RBM25: variants seen among roughly 807,000 people sequenced by gnomAD.
RBM25 encodes the protein RNA-binding protein 25.
A neutral mutation model predicts 120.7 loss-of-function variants in RBM25; 19 were observed. The ratio of observed to expected loss-of-function variants is 0.16; its 90% confidence interval spans 0.11 to 0.23. The LOEUF is 0.23. RBM25 is among the 10% of genes least tolerant of loss of function. RBM25 has a pLI of 1.00. For missense variants in RBM25, 605 were observed against 1,041.5 expected, an observed-to-expected ratio of 0.58 and a Z score of 5.77; for synonymous variants, 390 against 326.7, an observed-to-expected ratio of 1.19 and a Z score of -2.09.
In RBM25 at chr14:73,121,663, C is replaced by G. The variant is rs362446; in HGVS notation, c.*1858C>G. The G allele has an allele frequency of 6.6e-6, 1 of 152,182 alleles. No individual in the cohort carries two copies. The highest frequency in any genetic ancestry group is 2.4e-5 in the African/African-American group (1 of 41,418). 9.4% of individuals were successfully genotyped at this position (152,182 alleles called of 1,614,324 possible). A position where few individuals can be genotyped will look rare whatever the true frequency, so the allele number is the denominator to read the frequency against. Reference sequence around the variant, plus strand: ...GTCTGTCTTTTCTTAACATACTGCACTGTTCTTAAGCATCATATTGTGTTG... The same window carrying G: ...GTCTGTCTTTTCTTAACATACTGCAGTGTTCTTAAGCATCATATTGTGTTG... On this transcript the variant is annotated 3_prime_UTR_variant, in exon 19 of 19. Transcript: ENST00000261973.
In RBM25 at chr14:73,111,118, G is replaced by A. The variant is rs372612177; in HGVS notation, c.1980G>A (p.Glu660=). The A allele has an allele frequency of 2.5e-6, 4 of 1,613,984 alleles. No individual in the cohort carries two copies. Among genetic ancestry groups the A allele is most frequent in the Non-Finnish European group, 3.4e-6 (4 of 1,179,884 alleles). The part of the protein sequence containing the change: ...HENSPDQQQP[E]EHRPKIGLSL... The stretch of plus-strand genomic sequence containing the variant: ...ACTCACCAGATCAACAGCAACCTGA[G>A]GAGCATAGGCCAAAAATAGGACTAA... The change falls in exon 15 of 19, where the codon GAG becomes GAA. Residue 660 remains glutamate, a synonymous_variant. Transcript: ENST00000261973.
chr14:73,072,339 A>G (rs897323204), intron 2 of RBM25, among the ~76,000 whole-genome samples: 1 of 152,158 alleles, frequency 6.6e-6, no homozygotes, highest in Admixed American at 6.5e-5. Context: ...AAAAATACAG[A>G]AAGTAATACA....
intron 1 of RBM25, among the ~76,000 whole-genome samples, chr14:73,064,587 C>T (rs914914572): frequency 6.6e-6 from 1 of 151,028 alleles, no homozygotes; most frequent in African/African-American, 2.4e-5. Context: ...TAGAGACGGG[C>T]TTTCACCATG....
At chr14:73,095,879 A>G (rs1409767898) in intron 6 of RBM25, among the ~76,000 whole-genome samples, 1 of 152,142 alleles carries the variant, frequency 6.6e-6, no homozygotes, top group Non-Finnish European at 1.5e-5. Flanking sequence ...GTCGTTAAAA[A>G]CTTTGGGGCA....
At chr14:73,078,300 C>T (rs1213249540) in intron 4 of RBM25, among the ~76,000 whole-genome samples, 1 of 151,330 alleles carries the variant, frequency 6.6e-6, no homozygotes, top group Non-Finnish European at 1.5e-5. Context: ...GAGACTCCAT[C>T]TCAAAAAAAT....
intron 1 of RBM25, among the ~76,000 whole-genome samples, chr14:73,060,266 T>G (rs577676426): frequency 6.6e-6 from 1 of 151,582 alleles, no homozygotes; most frequent in African/African-American, 2.4e-5. Context: ...CTCGATTTCC[T>G]GACCTCGTGA....
At chr14:73,082,819 T>G (rs1335027386) in intron 4 of RBM25, among the ~76,000 whole-genome samples, 1 of 151,626 alleles carries the variant, frequency 6.6e-6, no homozygotes, top group Non-Finnish European at 1.5e-5. Flanking sequence ...CCCAGCACTT[T>G]GGGAGGCTGA....
intron 9 of RBM25, 182 bp downstream of exon 9, chr14:73,099,932 T>C: frequency 1.0e-6 from 1 of 970,288 alleles, no homozygotes; most frequent in Admixed American, 3.7e-5. Context: ...GTCCTTGACA[T>C]GTTGTGCTTA....
At position 73,111,912 on chromosome 14, in the gene RBM25, T is replaced by C. The variant is rs1283238976; in HGVS notation, c.2292+110T>C. The C allele has an allele frequency of 2.2e-6, 3 of 1,335,042 alleles. No homozygotes were observed. In the Admixed American group the frequency reaches 7.5e-5, roughly 33 times the overall value. 82.7% of individuals were successfully genotyped at this position (1,335,042 alleles called of 1,614,324 possible). A position where few individuals can be genotyped will look rare whatever the true frequency, so the allele number is the denominator to read the frequency against. On this transcript the variant is annotated intron_variant, in intron 16 of 18. Coordinates refer to ENST00000261973, the MANE Select transcript of RBM25 (RefSeq NM_021239.3). ...TTTGATTCTATTAATGACAAATAAG[T>C]AGGGATGATCATCTTGACACCAACT...
intron 14 of RBM25, among the ~76,000 whole-genome samples, chr14:73,109,832 TACGGATTACAG>T (rs1896270515): frequency 6.6e-6 from 1 of 152,030 alleles, no homozygotes; most frequent in Non-Finnish European, 1.5e-5. Context: ...CGAGTAGTAG[TACGGATTACAG>T]GTGTGTGCCA....
chr14:73,088,431 C>T, intron 6 of RBM25: 2 of 560,172 alleles, frequency 3.6e-6, no homozygotes, highest in Non-Finnish European at 6.8e-6. Flanking sequence ...AGCACTGGTA[C>T]AGACTATTCC....
rs764399910 is a variant in RBM25, at chr14:73,105,919, AGAGCGAGAACGAGAACGG to A, written c.1224_1241del (p.Arg421_Glu426del). On this transcript the variant is annotated inframe_deletion, in exon 11 of 19. Coordinates refer to ENST00000261973, the MANE Select transcript of RBM25 (RefSeq NM_021239.3). ...GGGAAAGAGAGAGAGAGAGAGAACGAGAGCGAGAACGAGAACGGGAGCGAGAGAGAGAGCGAGAGAGGG... is the reference window on the plus strand; with the variant it reads ...GGGAAAGAGAGAGAGAGAGAGAACGAGAGCGAGAGAGAGAGCGAGAGAGGG... 8 of 1,612,624 alleles carry A rather than the reference AGAGCGAGAACGAGAACGG, an allele frequency of 5.0e-6. No homozygotes were observed. Among genetic ancestry groups the A allele is most frequent in the Admixed American group, 1.7e-5 (1 of 59,836 alleles).
intron 13 of RBM25, 60 bp downstream of exon 13, chr14:73,107,959 C>A: frequency 2.5e-6 from 3 of 1,178,318 alleles, no homozygotes; most frequent in South Asian, 1.3e-5. Context: ...GTTTTTCCAT[C>A]TGCACAGTTG....
At chr14:73,117,895 G>A (rs1896468391) in intron 18 of RBM25, among the ~76,000 whole-genome samples, 1 of 152,152 alleles carries the variant, frequency 6.6e-6, no homozygotes, top group South Asian at 2.1e-4. Context: ...AGGGAGCAGA[G>A]TAGGCCATTT....
chr14:73,075,007 A>T (rs1163779142), intron 2 of RBM25, among the ~76,000 whole-genome samples: 24 of 146,126 alleles, frequency 1.6e-4, no homozygotes, highest in Non-Finnish European at 3.0e-4. Context: ...TTTTTTTTTT[A>T]AATAAAGAAA....
At chr14:73,110,113 G>T (rs1896278644) in intron 14 of RBM25, among the ~76,000 whole-genome samples, 1 of 151,346 alleles carries the variant, frequency 6.6e-6, no homozygotes, top group African/African-American at 2.4e-5. Context: ...TTAAACTCCT[G>T]ACCTCAAGTG....
intron 13 of RBM25, among the ~76,000 whole-genome samples, chr14:73,108,975 T>TG (rs1480744929): frequency 2.0e-5 from 3 of 152,230 alleles, no homozygotes; most frequent in Non-Finnish European, 4.4e-5. Context: ...GTGCTACTAA[T>TG]GCTACTTGAT....
chr14:73,095,884 G>T (rs537825079), intron 6 of RBM25, among the ~76,000 whole-genome samples: 6 of 152,140 alleles, frequency 3.9e-5, no homozygotes, highest in Non-Finnish European at 8.8e-5. Flanking sequence ...TAAAAACTTT[G>T]GGGCATGCAC....
At chr14:73,081,835 G>A (rs578138557) in intron 4 of RBM25, among the ~76,000 whole-genome samples, 2 of 152,290 alleles carry the variant, frequency 1.3e-5, no homozygotes, top group African/African-American at 4.8e-5. Flanking sequence ...TGCTCTTTGT[G>A]TGTGAACTGT....
Sources: gnomAD v4.1 joint callset for allele counts (sites outside exome capture counted in the v4.1 genomes callset) on GRCh38, gnomAD v4.1.1 for gene constraint, MANE v1.5 for transcripts, NCBI Gene and HGNC (gene_info 2026-07-23, HGNC 2026-07-21) for gene names.